MPDZ: variants seen among roughly 807,000 people sequenced by gnomAD.
The protein encoded by MPDZ is multiple PDZ domain crumbs cell polarity complex component.
In MPDZ, 234 loss-of-function variants were observed where a neutral mutation model predicts 239.1. The observed-to-expected ratio is 0.98, with a 90% CI of 0.88 to 1.09. MPDZ has a LOEUF of 1.09. Ranked by LOEUF, MPDZ falls within the 50% of genes least tolerant of loss-of-function variation. MPDZ has a pLI of 0.00. For synonymous variants in MPDZ, 1,048 were observed against 881.3 expected (o/e 1.19, Z -3.35); for missense variants, 3,175 against 2,510.0 (o/e 1.26, Z -5.66).
At chr9:13,152,373 C>A (rs566106514) in intron 24 of MPDZ, among the ~76,000 whole-genome samples, 2 of 152,060 alleles carry the variant, frequency 1.3e-5, no homozygotes, top group African/African-American at 2.4e-5. Context: ...TGGTGGGACC[C>A]GGTGGGAGGT....
In MPDZ at chr9:13,219,748, T is replaced by C. The variant is rs747014070; in HGVS notation, c.897A>G (p.Gly299=). The C allele has an allele frequency of 3.7e-6, 6 of 1,612,430 alleles. No individual in the cohort carries two copies. The highest frequency in any genetic ancestry group is 5.1e-6 in the Non-Finnish European group (6 of 1,179,088). The change falls in exon 8 of 47, where the codon GGA becomes GGG. Residue 299 remains glycine, a synonymous_variant. Transcript: ENST00000319217. The part of the protein sequence containing the change: ...VADQHGRLCS[G]DHILKIGDTD... ...TGTCACCAATCTTTAGAATGTGGTCTCCACTGCATAAACGCCCATGCTGAG... is the reference window on the plus strand; with the variant it reads ...TGTCACCAATCTTTAGAATGTGGTCCCCACTGCATAAACGCCCATGCTGAG...
chr9:13,207,516 T>C (rs935923832), intron 10 of MPDZ, among the ~76,000 whole-genome samples: 1 of 152,198 alleles, frequency 6.6e-6, no homozygotes, highest in Non-Finnish European at 1.5e-5. Flanking sequence ...ACTCTCTGGA[T>C]AGCCCACTCT....
chr9:13,197,268 A>G (rs1446460371), intron 12 of MPDZ, among the ~76,000 whole-genome samples: 2 of 151,942 alleles, frequency 1.3e-5, no homozygotes. Context: ...GCACAGCTAG[A>G]TAGAAGAAAT....
rs1201978693 is a variant in MPDZ, at chr9:13,112,991, G to A, written c.5601+20C>T. On this transcript the variant is annotated intron_variant, in intron 42 of 46. Transcript: ENST00000319217. The stretch of plus-strand genomic sequence containing the variant: ...CTCTTAAAACGCCAGGGTTTATATT[G>A]TTTTCTCTCCCCAAGTTACCTTTTT... The A allele has an allele frequency of 1.3e-6, 2 of 1,574,146 alleles. No homozygotes were observed. The highest frequency in any genetic ancestry group is 1.7e-6 in the Non-Finnish European group (2 of 1,156,484).
intron 12 of MPDZ, among the ~76,000 whole-genome samples, chr9:13,199,294 T>C (rs1402830169): frequency 6.6e-6 from 1 of 152,066 alleles, no homozygotes; most frequent in Non-Finnish European, 1.5e-5. Flanking sequence ...ATCACTTTCT[T>C]GATTTCTTTT....
At chr9:13,121,190 CCTT>C (rs1159048002) in intron 38 of MPDZ, among the ~76,000 whole-genome samples, 2 of 152,170 alleles carry the variant, frequency 1.3e-5, no homozygotes, top group African/African-American at 4.8e-5. Context: ...TCGCTCTGAT[CCTT>C]CTCCCTACAA....
intron 46 of MPDZ, among the ~76,000 whole-genome samples, chr9:13,108,546 T>C (rs901285042): frequency 2.6e-5 from 4 of 152,128 alleles, no homozygotes; most frequent in African/African-American, 4.8e-5. Flanking sequence ...TCTATAACTA[T>C]TTTATATTTC....
In MPDZ at chr9:13,139,953, T is replaced by C. The variant is rs374878616; in HGVS notation, c.4003+34A>G. 2.4e-4 allele frequency: 380 copies of C among 1,612,738 alleles called. 1 individual carries two copies. In the African/African-American group the frequency reaches 4.1e-3, roughly 18 times the overall value. The stretch of plus-strand genomic sequence containing the variant: ...AAACTCAGAGCTATTTTAATACCTC[T>C]TACAATTAAATGCATCACAAAAACA... On this transcript the variant is annotated intron_variant, in intron 28 of 46. Transcript: ENST00000319217.
chr9:13,183,146 A>C (rs1286506250), intron 19 of MPDZ, among the ~76,000 whole-genome samples: 1 of 151,998 alleles, frequency 6.6e-6, no homozygotes, highest in Non-Finnish European at 1.5e-5. Context: ...ATGATGCTAA[A>C]TTTTTCTTTC....
chr9:13,192,397 C>T (rs1955058671), intron 14 of MPDZ, 102 bp from the exon 15 acceptor site: 1 of 1,003,246 alleles, frequency 1.0e-6, no homozygotes, highest in Middle Eastern at 3.2e-4. Context: ...ATAGTCATTA[C>T]CACAGTTTAC....
chr9:13,111,324 C>T (rs908499662), intron 43 of MPDZ, among the ~76,000 whole-genome samples: 17 of 152,212 alleles, frequency 1.1e-4, no homozygotes, highest in Admixed American at 2.6e-4. Flanking sequence ...TGTATACAAT[C>T]AGGTTTTAAG....
rs766391248 is a variant in MPDZ at position 13,150,672 on chromosome 9, C to G, written c.3469G>C (p.Glu1157Gln). ...NQPRRVELWREPSKSLGISIV... is the reference protein window; with the variant it reads ...NQPRRVELWRQPSKSLGISIV... The stretch of plus-strand genomic sequence containing the variant: ...CTGATGCCTAAGGATTTGCTTGGTT[C>G]TCTCCAGAGTTCCACCCTAAAAAAT... The change falls in exon 25 of 47, where the codon GAA becomes CAA. Residue 1157 changes from glutamate (E) to glutamine (Q), a missense_variant. Transcript: ENST00000319217. 1 of 1,405,322 alleles carries G rather than the reference C, an allele frequency of 7.1e-7. No homozygotes were observed. The highest frequency in any genetic ancestry group is 2.1e-5 in the South Asian group (1 of 48,618). The allele number at this position is 1,405,322 out of a possible 1,614,324, so 87.1% of individuals were successfully genotyped here. A position where few individuals can be genotyped will look rare whatever the true frequency, so the allele number is the denominator to read the frequency against.
At chr9:13,203,146 AATT>A (rs2135546796) in intron 12 of MPDZ, among the ~76,000 whole-genome samples, 1 of 152,314 alleles carries the variant, frequency 6.6e-6, no homozygotes, top group African/African-American at 2.4e-5. Context: ...ACATATGTAC[AATT>A]ATTATAGGTC....
chr9:13,248,154 G>C (rs1966864149), intron 2 of MPDZ, among the ~76,000 whole-genome samples: 3 of 151,270 alleles, frequency 2.0e-5, no homozygotes, highest in Admixed American at 6.6e-5. Flanking sequence ...CTTGAATCCA[G>C]GAGGCAGAGG....
intron 32 of MPDZ, among the ~76,000 whole-genome samples, chr9:13,131,728 C>G (rs1264446183): frequency 1.3e-5 from 2 of 152,310 alleles, no homozygotes; most frequent in African/African-American, 4.8e-5. Context: ...GATCCACTGT[C>G]TTGTGGCCAC....
At chr9:13,117,241 C>T (rs1943599659) in intron 39 of MPDZ, among the ~76,000 whole-genome samples, 2 of 152,000 alleles carry the variant, frequency 1.3e-5, no homozygotes, top group Admixed American at 6.6e-5. Flanking sequence ...AGATTAGGAG[C>T]GACTACTGTA....
chr9:13,136,725 T>C lies in MPDZ; in HGVS notation c.4279A>G (p.Ile1427Val), dbSNP rs752847053. Residue 1427 changes from isoleucine (I) to valine (V), a missense_variant, in exon 30 of 47, where the codon ATA (isoleucine) becomes GTA (valine). Ile to Val is a conservative substitution (Grantham distance 29, BLOSUM62 3). Coordinates refer to ENST00000319217, the MANE Select transcript of MPDZ (RefSeq NM_001378778.1). Reference sequence around the variant, plus strand: ...GAAAATGATCACCTGATAAAAATTATTTTCACTTTAGAAGGGGCACATTTA... The same window carrying C: ...GAAAATGATCACCTGATAAAAATTACTTTCACTTTAGAAGGGGCACATTTA... ...IIKCAPSKVK[I>V]IFIRNKDAVN... 17 of 1,586,752 alleles carry C rather than the reference T, an allele frequency of 1.1e-5. No individual in the cohort carries two copies. Among genetic ancestry groups the C allele is most frequent in the Non-Finnish European group, 1.5e-5 (17 of 1,162,170 alleles).
chr9:13,202,855 T>C (rs1488561807), intron 12 of MPDZ, among the ~76,000 whole-genome samples: 4 of 152,204 alleles, frequency 2.6e-5, no homozygotes, highest in African/African-American at 9.6e-5. Context: ...TCTGCTTCTC[T>C]CTCTAGTTCT....
intron 21 of MPDZ, among the ~76,000 whole-genome samples, chr9:13,170,517 T>C (rs1446327186): frequency 6.6e-6 from 1 of 152,192 alleles, no homozygotes; most frequent in Admixed American, 6.5e-5. Flanking sequence ...TTTCAAAAGG[T>C]ACTCCATTTT....
Sources: allele counts gnomAD v4.1 joint callset (sites outside exome capture counted in the v4.1 genomes callset), GRCh38; gene constraint gnomAD v4.1.1; transcripts MANE v1.5; gene names NCBI Gene and HGNC (gene_info 2026-07-23, HGNC 2026-07-21).